OXSR1: variants seen among roughly 807,000 people sequenced by gnomAD.
The protein encoded by OXSR1 is oxidative stress responsive kinase 1, also known as serine/threonine-protein kinase OSR1.
In OXSR1, 24 loss-of-function variants were observed where a neutral mutation model predicts 79.8. The observed-to-expected ratio is 0.30, with a 90% confidence interval of 0.22 to 0.42. OXSR1 has a LOEUF of 0.42. Among genes scored for constraint, OXSR1 ranks in the 10% least tolerant of loss-of-function variants. The probability of loss-of-function intolerance (pLI) is 1.00; values close to 1 mark genes in which losing one functional copy is unlikely to be tolerated. For synonymous variants in OXSR1, 226 were observed against 209.2 expected (o/e 1.08, Z -0.69); for missense variants, 430 against 618.4 (o/e 0.70, Z 3.23).
chr3:38,228,166 G>A (rs1220958962), intron 8 of OXSR1, among the ~76,000 whole-genome samples: 1 of 152,154 alleles, frequency 6.6e-6, no homozygotes, highest in Non-Finnish European at 1.5e-5. Flanking sequence ...CAGCTAGTCA[G>A]ACTATCATTC....
intron 3 of OXSR1, among the ~76,000 whole-genome samples, chr3:38,191,783 A>G (rs1387281988): frequency 1.3e-5 from 2 of 152,108 alleles, no homozygotes; most frequent in African/African-American, 2.4e-5. Context: ...CCAGTTCTCC[A>G]TAAGTCTTTT....
intron 4 of OXSR1, among the ~76,000 whole-genome samples, chr3:38,208,985 TGC>T (rs1553635633): frequency 0.04 from 5,106 of 128,184 alleles, 99 homozygotes; most frequent in Middle Eastern, 0.12. Flanking sequence ...TGTGTGTGTG[TGC>T]GCGCGCGCGT....
chr3:38,170,338 G>A (rs1334102260), intron 1 of OXSR1, among the ~76,000 whole-genome samples: 1 of 152,124 alleles, frequency 6.6e-6, no homozygotes, highest in Non-Finnish European at 1.5e-5. Context: ...GAGCCCCCGC[G>A]CCTGGCCTCT....
chr3:38,166,480 A>G (rs1411226053), intron 1 of OXSR1, among the ~76,000 whole-genome samples: 1 of 152,048 alleles, frequency 6.6e-6, no homozygotes, highest in Non-Finnish European at 1.5e-5. Context: ...GGAGGTAGAC[A>G]TTAAATAAGA....
At chr3:38,221,750 A>G in intron 6 of OXSR1, 63 bp downstream of exon 6, 1 of 941,938 alleles carries the variant, frequency 1.1e-6, no homozygotes, top group Non-Finnish European at 1.7e-6. Flanking sequence ...GAAAAAACTT[A>G]ATAGTGCTTG....
chr3:38,212,922 G>C (rs1296340436), intron 4 of OXSR1, among the ~76,000 whole-genome samples: 1 of 152,166 alleles, frequency 6.6e-6, no homozygotes, highest in East Asian at 1.9e-4. Flanking sequence ...TTTGAGGGCA[G>C]ACTGTGGTGT....
chr3:38,181,841 T>A (rs1385016980), intron 1 of OXSR1, among the ~76,000 whole-genome samples: 10 of 151,362 alleles, frequency 6.6e-5, no homozygotes, highest in Admixed American at 2.6e-4. Flanking sequence ...TTTTTTTTTT[T>A]ATTGTACCTT....
At chr3:38,182,872 A>C in intron 1 of OXSR1, 131 bp from the exon 2 acceptor site, 1 of 488,608 alleles carries the variant, frequency 2.0e-6, no homozygotes. Context: ...TCTTTAGAGC[A>C]TTTTTCTCTA....
chr3:38,248,025 G>A (rs903045147), intron 14 of OXSR1, among the ~76,000 whole-genome samples: 2 of 152,178 alleles, frequency 1.3e-5, no homozygotes, highest in Non-Finnish European at 2.9e-5. Flanking sequence ...GGTGTAGCCT[G>A]TAATTGAGGA....
Position 38,253,220 on chromosome 3 carries a change from C to G in OXSR1, c.*329C>G. On this transcript the variant is annotated 3_prime_UTR_variant, in exon 18 of 18. Coordinates refer to ENST00000311806, the MANE Select transcript of OXSR1 (RefSeq NM_005109.3). ...ATTCTTGCCTTACTCCAATGATGGC[C>G]CAGGTGGAAAAGTAGCAGCTGTATC... is the stretch of plus-strand genomic sequence containing the variant. 1 of 281,084 alleles carries G rather than the reference C, an allele frequency of 3.6e-6. No individual in the cohort carries two copies. Among genetic ancestry groups the G allele is most frequent in the Non-Finnish European group, 6.7e-6 (1 of 148,334 alleles). The allele number at this position is 281,084 out of a possible 1,614,324, so 17.4% of individuals were successfully genotyped here.
At chr3:38,201,110 C>T (rs938526533) in intron 4 of OXSR1, among the ~76,000 whole-genome samples, 4 of 151,860 alleles carry the variant, frequency 2.6e-5, no homozygotes, top group African/African-American at 9.7e-5. Flanking sequence ...CGTGCTGTGT[C>T]GCCCAGGCTG....
At chr3:38,193,134 G>C (rs1702012939) in intron 3 of OXSR1, 1 of 454,476 alleles carries the variant, frequency 2.2e-6, no homozygotes, top group South Asian at 1.9e-5. Context: ...TTGATGAGGA[G>C]TAAATGAGAT....
At position 38,231,783 on chromosome 3, in the gene OXSR1, G is replaced by A. The variant is rs180745682; in HGVS notation, c.951+1353G>A. 9.2e-5 allele frequency among the ~76,000 whole-genome samples: 14 copies of A among 152,160 alleles called. No homozygotes were observed. In the East Asian group the frequency reaches 2.1e-3, roughly 23 times the overall value. On this transcript the variant is annotated intron_variant, in intron 10 of 17. Transcript: ENST00000311806. Reference sequence around the variant, plus strand: ...TTATAATAAATCCCATCTGAGATACGTGTTGATTTATATCTGAAATCTGAT... The same window carrying A: ...TTATAATAAATCCCATCTGAGATACATGTTGATTTATATCTGAAATCTGAT...
rs1223021664 is a variant in OXSR1 at position 38,223,856 on chromosome 3, T to C, written c.645T>C (p.Ile215=). The C allele has an allele frequency of 2.5e-6, 4 of 1,611,676 alleles. No individual in the cohort carries two copies. Among genetic ancestry groups the C allele is most frequent in the Non-Finnish European group, 3.4e-6 (4 of 1,178,544 alleles). Residue 215 remains isoleucine, a synonymous_variant, in exon 7 of 18, where the codon ATT becomes ATC. Transcript: ENST00000311806. The part of the protein sequence containing the change: ...DFKADIWSFG[I]TAIELATGAA... The stretch of plus-strand genomic sequence containing the variant: ...AAGCTGATATTTGGAGTTTTGGAAT[T>C]ACAGCAATTGAATTGGCTACAGGGG...
chr3:38,226,803 G>A (rs1019191463), intron 8 of OXSR1, among the ~76,000 whole-genome samples: 9 of 151,730 alleles, frequency 5.9e-5, no homozygotes, highest in Admixed American at 2.0e-4. Flanking sequence ...TTAAGAAGAC[G>A]TGAAGACGGA....
chr3:38,236,165 T>C (rs1222914323), intron 10 of OXSR1, among the ~76,000 whole-genome samples: 1 of 152,198 alleles, frequency 6.6e-6, no homozygotes, highest in Non-Finnish European at 1.5e-5. Flanking sequence ...TATGTAAACA[T>C]TGAATATTGA....
intron 1 of OXSR1, among the ~76,000 whole-genome samples, chr3:38,170,083 C>CCGACA (rs1701548874): frequency 6.6e-6 from 1 of 151,792 alleles, no homozygotes; most frequent in Non-Finnish European, 1.5e-5. Context: ...CTTACTCTGT[C>CCGACA]GCCCAGGCTG....
intron 1 of OXSR1, among the ~76,000 whole-genome samples, chr3:38,182,611 G>C (rs1270841651): frequency 6.6e-6 from 1 of 152,126 alleles, no homozygotes; most frequent in Non-Finnish European, 1.5e-5. Context: ...AACTTACTGT[G>C]GTGTTTTCTT....
Position 38,254,662 on chromosome 3 carries a change from G to T in OXSR1, c.*1771G>T. On this transcript the variant is annotated 3_prime_UTR_variant, in exon 18 of 18. Coordinates refer to ENST00000311806, the MANE Select transcript of OXSR1 (RefSeq NM_005109.3). ...GGAGGTAGGAATGAGGTATAGAAAA[G>T]AGATAGCATCTTCTTTGGCACAAGA... 1 of 160,938 alleles carries T rather than the reference G, an allele frequency of 6.2e-6. No individual in the cohort carries two copies. The highest frequency in any genetic ancestry group is 1.4e-5 in the Non-Finnish European group (1 of 74,060). The allele number at this position is 160,938 out of a possible 1,614,324, so 10.0% of individuals were successfully genotyped here. A position where few individuals can be genotyped will look rare whatever the true frequency, so the allele number is the denominator to read the frequency against.
Sources: gnomAD v4.1 joint callset for allele counts (sites outside exome capture counted in the v4.1 genomes callset) on GRCh38, gnomAD v4.1.1 for gene constraint, MANE v1.5 for transcripts, NCBI Gene and HGNC (gene_info 2026-07-23, HGNC 2026-07-21) for gene names.